Variants in NKX2-8 observed in about 807,000 individuals in gnomAD.
The protein encoded by NKX2-8 is NK2 homeobox 8.
In NKX2-8, 8 loss-of-function variants were observed where a neutral mutation model predicts 6.4. That is an observed-to-expected ratio of 1.24 (90% CI 0.73 to 2.24). NKX2-8 has a LOEUF of 2.24. Ranked by LOEUF, NKX2-8 falls within the 30% of genes most tolerant of loss-of-function variation. The probability of loss-of-function intolerance (pLI) is 0.00; values close to 1 mark genes in which losing one functional copy is unlikely to be tolerated. For missense variants in NKX2-8, 406 were observed against 351.1 expected, an observed-to-expected ratio of 1.16 and a Z score of -1.25; for synonymous variants, 216 against 171.5, an observed-to-expected ratio of 1.26 and a Z score of -2.03.
At chr14:36,582,188 C>CGCCTCCT in intron 1 of NKX2-8, 45 bp downstream of exon 1, 1 of 1,556,596 alleles carries the variant, frequency 6.4e-7, no homozygotes. Context: ...TGCTGCCCCA[C>CGCCTCCT]GCCTCCTACC....
In NKX2-8 at chr14:36,582,499, G is replaced by A; in HGVS notation, c.-110C>T. ...AGGCGCTCGCCATGCGCTGGCAGCC[G>A]GGATATTAGCGCATTTACAGCGGAA... On this transcript the variant is annotated 5_prime_UTR_variant, in exon 1 of 2. Transcript: ENST00000258829. 1 of 1,090,350 alleles carries A rather than the reference G, an allele frequency of 9.2e-7. No homozygotes were observed. The highest frequency in any genetic ancestry group is 1.3e-6 in the Non-Finnish European group (1 of 784,122). The allele number at this position is 1,090,350 out of a possible 1,614,324, so 67.5% of individuals were successfully genotyped here.
Position 36,582,497 on chromosome 14 carries a change from C to T in NKX2-8, c.-108G>A. ...GGAGGCGCTCGCCATGCGCTGGCAG[C>T]CGGGATATTAGCGCATTTACAGCGG... is the stretch of plus-strand genomic sequence containing the variant. On this transcript the variant is annotated 5_prime_UTR_variant, in exon 1 of 2. Transcript: ENST00000258829. The T allele has an allele frequency of 9.0e-7, 1 of 1,115,076 alleles. No homozygotes were observed. The highest frequency in any genetic ancestry group is 1.8e-5 in the South Asian group (1 of 57,044). The allele number at this position is 1,115,076 out of a possible 1,614,324, so 69.1% of individuals were successfully genotyped here.
In NKX2-8 at chr14:36,581,200, C is replaced by G. The variant is rs766493043; in HGVS notation, c.422G>C (p.Arg141Pro). The change falls in exon 2 of 2, where the codon CGC (arginine) becomes CCC (proline). Residue 141 changes from arginine to proline, a missense_variant. Physicochemically the swap from Arg to Pro is moderately radical, Grantham distance 103. Coordinates refer to ENST00000258829, the MANE Select transcript of NKX2-8 (RefSeq NM_014360.4). This position sits in a 1 kb window ranked among gnomAD's most constrained non-coding sequence, Gnocchi z 5.6. ...CTCCGCCGCCCCTGGAGCGCGAGCG[C>G]GCTTCAGCTTGTAGCGATGATTCTG... ...WFQNHRYKLK[R>P]ARAPGAAESP... 5 of 1,608,250 alleles carry G rather than the reference C, an allele frequency of 3.1e-6. No individual in the cohort carries two copies. The Admixed American group carries it at 8.4e-5, about 27-fold the overall frequency.
At position 36,582,373 on chromosome 14, in the gene NKX2-8, C is replaced by G. The variant is rs766270853; in HGVS notation, c.17G>C (p.Arg6Pro). ...AAGGCTGCGCACGGTGAAGCTCAGG[C>G]GTCCAGAGGTGGCCATGGCCGAGGA... is the stretch of plus-strand genomic sequence containing the variant. MATSG[R>P]LSFTVRSLLD... is the part of the protein sequence containing the mutation. The change falls in exon 1 of 2, where the codon CGC (arginine) becomes CCC (proline). Residue 6 changes from arginine to proline, a missense_variant. Arg to Pro is a moderately radical substitution (Grantham distance 103, BLOSUM62 -2). Transcript: ENST00000258829. The G allele has an allele frequency of 1.3e-6, 2 of 1,534,442 alleles. No homozygotes were observed. The highest frequency in any genetic ancestry group is 1.4e-5 in the African/African-American group (1 of 72,292).
In NKX2-8 at chr14:36,581,360, GC is replaced by G; in HGVS notation, c.261del (p.Arg88GlyfsTer52). ...GTCTGCGCCTTGGAGAATAGCACCC[GC>G]CGCTTCTTCCTTTTCTCGGCGTCCG... ...PGSDAEKRKKRRVLFSKAQTL... is the reference protein window; with the variant it reads ...PGSDAEKRKKXRVLFSKAQTL... On this transcript the variant is annotated frameshift_variant, in exon 2 of 2. Transcript: ENST00000258829. LOFTEE classifies it low-confidence loss of function (END_TRUNC). The surrounding 1 kb of genome is among the most constrained non-coding windows in gnomAD (Gnocchi z 5.6). 1 of 1,585,604 alleles carries G rather than the reference GC, an allele frequency of 6.3e-7. No homozygotes were observed. Among genetic ancestry groups the G allele is most frequent in the East Asian group, 2.3e-5 (1 of 43,584 alleles).
chr14:36,582,583 T>A lies in NKX2-8; in HGVS notation c.-194A>T. ...GCCGCTTTGAAAGCCGAGGTCCGGGTCTCCAGGGTGTTAAGTACCTGAATG... is the reference window on the plus strand; with the variant it reads ...GCCGCTTTGAAAGCCGAGGTCCGGGACTCCAGGGTGTTAAGTACCTGAATG... On this transcript the variant is annotated 5_prime_UTR_variant, in exon 1 of 2. Coordinates refer to ENST00000258829, the MANE Select transcript of NKX2-8 (RefSeq NM_014360.4). The A allele has an allele frequency of 1.9e-6, 1 of 514,624 alleles. No homozygotes were observed. Among genetic ancestry groups the A allele is most frequent in the Non-Finnish European group, 3.3e-6 (1 of 305,394 alleles). 31.9% of individuals were successfully genotyped at this position (514,624 alleles called of 1,614,324 possible).
Position 36,581,027 on chromosome 14 carries a change from C to T in NKX2-8, c.595G>A (p.Gly199Ser). The T allele has an allele frequency of 7.4e-7, 1 of 1,351,576 alleles. No individual in the cohort carries two copies. Among genetic ancestry groups the T allele is most frequent in the Non-Finnish European group, 9.4e-7 (1 of 1,061,652 alleles). The allele number at this position is 1,351,576 out of a possible 1,614,324, so 83.7% of individuals were successfully genotyped here. Residue 199 changes from glycine (G) to serine (S), a missense_variant, in exon 2 of 2, where the codon GGC becomes AGC. Transcript: ENST00000258829. This position sits in a 1 kb window ranked among gnomAD's most constrained non-coding sequence, Gnocchi z 5.6. ...GGGCAGGCGGCGGCTGGAGGGGCGC[C>T]GCACTTCTCCTGGGCCGCGGCGGTT... ...VGTAAAQEKC[G>S]APPAAACPLP...
rs1566631544 is a variant in NKX2-8, at chr14:36,580,030, C to T, written c.*872G>A. Among the ~76,000 whole-genome samples the T allele has an allele frequency of 6.6e-6, 1 of 152,188 alleles. No individual in the cohort carries two copies. Among genetic ancestry groups the T allele is most frequent in the East Asian group, 1.9e-4 (1 of 5,174 alleles). ...CACAGCTAACTTAGGCACTTGCAGG[C>T]TTAAATAGGGGTTACAAATTCCCCG... On this transcript the variant is annotated 3_prime_UTR_variant, in exon 2 of 2. Coordinates refer to ENST00000258829, the MANE Select transcript of NKX2-8 (RefSeq NM_014360.4).
rs750041537 is a variant in NKX2-8 at position 36,582,368 on chromosome 14, T to C, written c.22A>G (p.Ser8Gly). The change falls in exon 1 of 2, where the codon AGC becomes GGC. Residue 8 changes from serine (S) to glycine (G), a missense_variant. Physicochemically the swap from Ser to Gly is moderately conservative, Grantham distance 56. Transcript: ENST00000258829. Reference protein sequence around the residue: MATSGRLSFTVRSLLDLP... With the variant: MATSGRLGFTVRSLLDLP... Reference sequence around the variant, plus strand: ...TCTAGAAGGCTGCGCACGGTGAAGCTCAGGCGTCCAGAGGTGGCCATGGCC... The same window carrying C: ...TCTAGAAGGCTGCGCACGGTGAAGCCCAGGCGTCCAGAGGTGGCCATGGCC... The C allele has an allele frequency of 1.3e-6, 2 of 1,565,820 alleles. No homozygotes were observed. Among genetic ancestry groups the C allele is most frequent in the African/African-American group, 1.4e-5 (1 of 73,458 alleles).
Position 36,582,399 on chromosome 14 carries a change from G to A in NKX2-8, c.-10C>T. On this transcript the variant is annotated 5_prime_UTR_variant, in exon 1 of 2. Coordinates refer to ENST00000258829, the MANE Select transcript of NKX2-8 (RefSeq NM_014360.4). ...GTCCAGAGGTGGCCATGGCCGAGGA[G>A]GGGAAGGAGGCGGGGGCAGGGCAGG... 6.7e-7 allele frequency: 1 copy of A among 1,486,596 alleles called. No individual in the cohort carries two copies. Among genetic ancestry groups the A allele is most frequent in the Middle Eastern group, 1.9e-4 (1 of 5,320 alleles). The allele number at this position is 1,486,596 out of a possible 1,614,324, so 92.1% of individuals were successfully genotyped here.
rs1419758057 is a variant in NKX2-8, at chr14:36,582,575, G to A, written c.-186C>T. 1 of 535,252 alleles carries A rather than the reference G, an allele frequency of 1.9e-6. No individual in the cohort carries two copies. 33.2% of individuals were successfully genotyped at this position (535,252 alleles called of 1,614,324 possible). The stretch of plus-strand genomic sequence containing the variant: ...CCACCCAGGCCGCTTTGAAAGCCGA[G>A]GTCCGGGTCTCCAGGGTGTTAAGTA... On this transcript the variant is annotated 5_prime_UTR_variant, in exon 1 of 2. Transcript: ENST00000258829.
chr14:36,581,309 G>A lies in NKX2-8; in HGVS notation c.313C>T (p.Gln105Ter). The change falls in exon 2 of 2, where the codon CAG becomes TAG. Residue 105 changes from glutamine to a stop codon, truncating the protein, a stop_gained. Transcript: ENST00000258829. LOFTEE classifies it low-confidence loss of function (END_TRUNC). The surrounding 1 kb of genome is among the most constrained non-coding windows in gnomAD (Gnocchi z 5.6). Reference protein sequence around the residue: ...QTLELERRFRQQRYLSAPERE... With the variant: ...QTLELERRFR ...TCGGGCGCAGACAGGTACCGCTGCT[G>A]CCGGAAGCGCCGCTCCAACTCCAGC... The A allele has an allele frequency of 2.5e-6, 4 of 1,588,024 alleles. No homozygotes were observed. The highest frequency in any genetic ancestry group is 3.4e-6 in the Non-Finnish European group (4 of 1,168,032).
rs372555629 is a variant in NKX2-8, at chr14:36,580,995, C to T, written c.627G>A (p.Pro209=). 179 of 1,350,726 alleles carry T rather than the reference C, an allele frequency of 1.3e-4. No homozygotes were observed. Among genetic ancestry groups the T allele is most frequent in the South Asian group, 6.5e-4 (32 of 48,986 alleles). 83.7% of individuals were successfully genotyped at this position (1,350,726 alleles called of 1,614,324 possible). The change falls in exon 2 of 2, where the codon CCG becomes CCA. Residue 209 remains proline (P), a synonymous_variant. Transcript: ENST00000258829. The part of the protein sequence containing the change: ...GAPPAAACPL[P]GYPAFGPGSA... ...AGCCGGGACCGAAGGCAGGGTAGCC[C>T]GGCAGAGGGCAGGCGGCGGCTGGAG...
rs1258686378 is a variant in NKX2-8, at chr14:36,581,719, T to C, written c.158-255A>G. Reference sequence around the variant, plus strand: ...AACCCACCCCGGGGCCCTCTTAACATGTCCGCACCGGTAGTTGCGCTGGCC... The same window carrying C: ...AACCCACCCCGGGGCCCTCTTAACACGTCCGCACCGGTAGTTGCGCTGGCC... On this transcript the variant is annotated intron_variant, in intron 1 of 1. Transcript: ENST00000258829. The surrounding 1 kb of genome is among the most constrained non-coding windows in gnomAD (Gnocchi z 5.6). Among the ~76,000 whole-genome samples, 1 of 152,134 alleles carries C rather than the reference T, an allele frequency of 6.6e-6. No individual in the cohort carries two copies. Among genetic ancestry groups the C allele is most frequent in the Non-Finnish European group, 1.5e-5 (1 of 68,002 alleles).
chr14:36,581,372 T>C lies in NKX2-8; in HGVS notation c.250A>G (p.Arg84Gly), dbSNP rs202151004. 7.4e-4 allele frequency: 1,178 copies of C among 1,590,660 alleles called. 1 individual carries two copies. The highest frequency in any genetic ancestry group is 2.6e-3 in the Middle Eastern group (15 of 5,822). The change falls in exon 2 of 2, where the codon AGG becomes GGG. Residue 84 changes from arginine to glycine, a missense_variant. Transcript: ENST00000258829. The surrounding 1 kb of genome is among the most constrained non-coding windows in gnomAD (Gnocchi z 5.6). ...GAGAATAGCACCCGCCGCTTCTTCC[T>C]TTTCTCGGCGTCCGAGCCCGGAGAC... ...PASPGSDAEK[R>G]KKRRVLFSKA...
At chr14:36,582,183 C>A in intron 1 of NKX2-8, 50 bp downstream of exon 1, 1 of 1,546,722 alleles carries the variant, frequency 6.5e-7, no homozygotes, top group Non-Finnish European at 8.8e-7. Context: ...GATTCTGCTG[C>A]CCCACGCCTC....
In NKX2-8 at chr14:36,580,953, G is replaced by A. The variant is rs1879204131; in HGVS notation, c.669C>T (p.Phe223=). 1.5e-6 allele frequency: 2 copies of A among 1,344,618 alleles called. No individual in the cohort carries two copies. Among genetic ancestry groups the A allele is most frequent in the African/African-American group, 1.5e-5 (1 of 66,570 alleles). The allele number at this position is 1,344,618 out of a possible 1,614,324, so 83.3% of individuals were successfully genotyped here. The change falls in exon 2 of 2, where the codon TTC becomes TTT. Residue 223 remains phenylalanine (F), a synonymous_variant. Coordinates refer to ENST00000258829, the MANE Select transcript of NKX2-8 (RefSeq NM_014360.4). ...GGGATGCTAAGTGCTGGTAGGCGGG[G>A]AAGAGGCCAAGCGCCGAGCCGGGAC... ...AFGPGSALGL[F]PAYQHLASPA... is the part of the protein sequence containing the mutation.
rs1473358123 is a variant in NKX2-8, at chr14:36,581,573, C to T, written c.158-109G>A. On this transcript the variant is annotated intron_variant, in intron 1 of 1. Coordinates refer to ENST00000258829, the MANE Select transcript of NKX2-8 (RefSeq NM_014360.4). The surrounding 1 kb of genome is among the most constrained non-coding windows in gnomAD (Gnocchi z 5.6). ...ACTGGCCAGAGGGCACGCCCACTAG[C>T]CCGAGACTTTCGGGATGAGGCCATT... is the stretch of plus-strand genomic sequence containing the variant. The T allele has an allele frequency of 3.1e-6, 3 of 967,990 alleles. No homozygotes were observed. In the Admixed American group the frequency reaches 9.1e-5, roughly 29 times the overall value. The allele number at this position is 967,990 out of a possible 1,614,324, so 60.0% of individuals were successfully genotyped here.
At position 36,580,861 on chromosome 14, in the gene NKX2-8, G is replaced by T; in HGVS notation, c.*41C>A. On this transcript the variant is annotated 3_prime_UTR_variant, in exon 2 of 2. Transcript: ENST00000258829. ...CGGCCCTGCTCCAATCGCAGAGCGC[G>T]CTCCAAAGTCGAGGGTAGCCCCAGG... 8.0e-7 allele frequency: 1 copy of T among 1,250,244 alleles called. No homozygotes were observed. Among genetic ancestry groups the T allele is most frequent in the Non-Finnish European group, 1.0e-6 (1 of 992,538 alleles). The allele number at this position is 1,250,244 out of a possible 1,614,324, so 77.4% of individuals were successfully genotyped here.
Sources: gnomAD v4.1 joint callset for allele counts (sites outside exome capture counted in the v4.1 genomes callset) on GRCh38, gnomAD v4.1.1 for gene constraint, Gnocchi (gnomAD v3.1) non-coding constraint, MANE v1.5 for transcripts, NCBI Gene and HGNC (gene_info 2026-07-23, HGNC 2026-07-21) for gene names.